Variants in ADGRL3 observed in about 807,000 individuals in gnomAD.
ADGRL3 encodes the protein adhesion G protein-coupled receptor L3, also known as calcium-independent alpha-latrotoxin receptor 3.
ADGRL3 carries 62 observed loss-of-function variants against 153.5 expected under a neutral mutation model. The observed-to-expected ratio is 0.40, with a 90% confidence interval of 0.33 to 0.50. The LOEUF (loss-of-function observed/expected upper bound fraction) is 0.50, where lower values mean the gene tolerates loss of function less well. ADGRL3 is among the 20% of genes least tolerant of loss of function. The pLI is 0.47. For missense variants in ADGRL3, 1,641 were observed against 1,859.4 expected, an observed-to-expected ratio of 0.88 and a Z score of 2.16; for synonymous variants, 710 against 672.5, an observed-to-expected ratio of 1.06 and a Z score of -0.86.
At chr4:61,654,001 TC>T (rs2094360161) in intron 5 of ADGRL3, among the ~76,000 whole-genome samples, 1 of 152,208 alleles carries the variant, frequency 6.6e-6, no homozygotes, top group African/African-American at 2.4e-5. Flanking sequence ...GTATACTAGT[TC>T]CATATATTTA....
At chr4:61,331,571 A>G (rs771318466) in intron 1 of ADGRL3, among the ~76,000 whole-genome samples, 24 of 152,030 alleles carry the variant, frequency 1.6e-4, no homozygotes, top group Non-Finnish European at 2.8e-4. Context: ...TGTATTATTG[A>G]TACTTTGTCT....
chr4:61,592,448 A>G (rs908768234), intron 5 of ADGRL3, among the ~76,000 whole-genome samples: 7 of 152,186 alleles, frequency 4.6e-5, no homozygotes, highest in South Asian at 4.1e-4. Flanking sequence ...TCCACATTCT[A>G]TGTAATAAAA....
intron 9 of ADGRL3, among the ~76,000 whole-genome samples, chr4:61,831,209 A>G (rs944066679): frequency 3.9e-5 from 6 of 152,016 alleles, no homozygotes; most frequent in Non-Finnish European, 8.8e-5. Flanking sequence ...ATTTTAAATA[A>G]CAATTAAGAG....
intron 2 of ADGRL3, among the ~76,000 whole-genome samples, chr4:61,453,727 A>G (rs1311598667): frequency 1.3e-5 from 2 of 152,114 alleles, no homozygotes; most frequent in Non-Finnish European, 2.9e-5. Flanking sequence ...CTGAAAATTG[A>G]TTTGAATTCA....
At chr4:61,899,719 C>T (rs1394207109) in intron 11 of ADGRL3, among the ~76,000 whole-genome samples, 1 of 152,078 alleles carries the variant, frequency 6.6e-6, no homozygotes, top group Non-Finnish European at 1.5e-5. Context: ...AGTATATTTA[C>T]TATGGTTCTG....
intron 1 of ADGRL3, among the ~76,000 whole-genome samples, chr4:61,322,958 A>T (rs1454569338): frequency 1.3e-5 from 2 of 152,214 alleles, no homozygotes. Context: ...GAGGTTCTAC[A>T]TGAGGACCCT....
intron 1 of ADGRL3, among the ~76,000 whole-genome samples, chr4:61,243,407 T>C (rs1755756771): frequency 6.6e-6 from 1 of 151,996 alleles, no homozygotes; most frequent in African/African-American, 2.4e-5. Flanking sequence ...TTGAAGAATA[T>C]AGACATCAAT....
chr4:61,574,703 T>TTA (rs1369714210), intron 4 of ADGRL3, among the ~76,000 whole-genome samples: 2 of 151,892 alleles, frequency 1.3e-5, no homozygotes, highest in African/African-American at 4.8e-5. Flanking sequence ...TGAATTAATA[T>TTA]ATTTCTAATG....
chr4:61,536,966 TG>T (rs1374510092), intron 4 of ADGRL3, among the ~76,000 whole-genome samples: 2 of 152,148 alleles, frequency 1.3e-5, no homozygotes, highest in Non-Finnish European at 2.9e-5. Flanking sequence ...ATAACTGCTT[TG>T]ATAAGATCTG....
chr4:61,706,992 C>T (rs756904300), intron 6 of ADGRL3, among the ~76,000 whole-genome samples: 1 of 152,116 alleles, frequency 6.6e-6, no homozygotes, highest in African/African-American at 2.4e-5. Context: ...CTCTTCCTTT[C>T]ACTTGAATAG....
At chr4:61,242,181 T>C (rs1755234808) in intron 1 of ADGRL3, among the ~76,000 whole-genome samples, 3 of 152,028 alleles carry the variant, frequency 2.0e-5, no homozygotes, top group Admixed American at 2.0e-4. Flanking sequence ...TTATTCATGA[T>C]TGTATTTGCT....
chr4:61,340,557 T>G (rs1227737293), intron 1 of ADGRL3, among the ~76,000 whole-genome samples: 1 of 152,120 alleles, frequency 6.6e-6, no homozygotes, highest in Non-Finnish European at 1.5e-5. Flanking sequence ...TATGCTGTTG[T>G]GGGTCTTGAG....
rs2099178380 is a variant in ADGRL3 at position 62,010,173 on chromosome 4, C to A, written c.3395+11908C>A. Among the ~76,000 whole-genome samples the A allele has an allele frequency of 3.9e-5, 6 of 152,200 alleles. No homozygotes were observed. In the South Asian group the frequency reaches 1.2e-3, roughly 32 times the overall value. On this transcript the variant is annotated intron_variant, in intron 21 of 26. Coordinates refer to ENST00000683033, the MANE Select transcript of ADGRL3 (RefSeq NM_001387552.1). Reference sequence around the variant, plus strand: ...TCAACATTGGCTGCTCTATCTCCAGCCCCCGTTTTTTCCCCAGTGATTGTG... The same window carrying A: ...TCAACATTGGCTGCTCTATCTCCAGACCCCGTTTTTTCCCCAGTGATTGTG...
At chr4:61,772,005 G>T (rs1351700699) in intron 8 of ADGRL3, among the ~76,000 whole-genome samples, 3 of 152,124 alleles carry the variant, frequency 2.0e-5, no homozygotes. Context: ...CTAACAGTTG[G>T]CTACCTACAG....
intron 5 of ADGRL3, among the ~76,000 whole-genome samples, chr4:61,657,247 T>G (rs2150501083): frequency 6.6e-6 from 1 of 152,202 alleles, no homozygotes; most frequent in Non-Finnish European, 1.5e-5. Flanking sequence ...TGCTCTATAA[T>G]TAGACTATAG....
intron 25 of ADGRL3, among the ~76,000 whole-genome samples, chr4:62,052,388 A>G (rs1457404479): frequency 2.0e-5 from 3 of 151,506 alleles, no homozygotes; most frequent in African/African-American, 7.2e-5. Flanking sequence ...TCCTTCCTGT[A>G]CTATTCATTT....
chr4:61,254,807 A>G (rs541382399), intron 1 of ADGRL3, among the ~76,000 whole-genome samples: 2 of 152,188 alleles, frequency 1.3e-5, no homozygotes, highest in South Asian at 4.1e-4. Flanking sequence ...CACACTCGAA[A>G]CTTAGTTTTA....
At chr4:61,267,040 T>G (rs2149709314) in intron 1 of ADGRL3, among the ~76,000 whole-genome samples, 1 of 151,848 alleles carries the variant, frequency 6.6e-6, no homozygotes, top group Admixed American at 6.6e-5. Flanking sequence ...AATAGTAGGT[T>G]TGATGTATTG....
At chr4:61,655,422 T>G in intron 5 of ADGRL3, among the ~76,000 whole-genome samples, 1 of 152,288 alleles carries the variant, frequency 6.6e-6, no homozygotes, top group Middle Eastern at 3.4e-3. Context: ...ACTAGTAAAT[T>G]ATTTATTATT....
Sources: allele counts gnomAD v4.1 joint callset (sites outside exome capture counted in the v4.1 genomes callset), GRCh38; gene constraint gnomAD v4.1.1; transcripts MANE v1.5; gene names NCBI Gene and HGNC (gene_info 2026-07-23, HGNC 2026-07-21).